Variants in ETFA observed in about 807,000 individuals in gnomAD.
The protein encoded by ETFA is electron transfer flavoprotein subunit alpha, mitochondrial.
A neutral mutation model predicts 46.2 loss-of-function variants in ETFA; 22 were observed. That is an observed-to-expected ratio of 0.48 (90% confidence interval 0.34 to 0.68). The LOEUF (loss-of-function observed/expected upper bound fraction) is 0.68. Among genes scored for constraint, ETFA ranks in the 30% least tolerant of loss-of-function variants. ETFA has a pLI of 0.01. For synonymous variants in ETFA, 131 were observed against 139.9 expected, an observed-to-expected ratio of 0.94 and a Z score of 0.45; for missense variants, 345 against 401.1, an observed-to-expected ratio of 0.86 and a Z score of 1.19.
rs768357479 is a variant in ETFA, at chr15:76,292,421, A to G, written c.351+10T>C. On this transcript the variant is annotated intron_variant, in intron 4 of 11. Transcript: ENST00000557943. ...AGTGATATCAGATTCCACATTCTCA[A>G]CCTTCTCACCTTTCCGAAGGCAGAT... The G allele has an allele frequency of 6.3e-7, 1 of 1,596,774 alleles. No individual in the cohort carries two copies. Among genetic ancestry groups the G allele is most frequent in the Non-Finnish European group, 8.6e-7 (1 of 1,164,160 alleles).
chr15:76,308,689 A>G (rs1014122446), intron 1 of ETFA, among the ~76,000 whole-genome samples: 1 of 152,236 alleles, frequency 6.6e-6, no homozygotes, highest in Non-Finnish European at 1.5e-5. Flanking sequence ...ATCTTAGACC[A>G]GAATAAGGAA....
chr15:76,259,142 T>C, intron 9 of ETFA: 1 of 1,500,642 alleles, frequency 6.7e-7, no homozygotes, highest in Admixed American at 1.7e-5. Flanking sequence ...TGCCACCCAC[T>C]GTCCCCATGC....
At chr15:76,224,836 G>GACCAGGCC in intron 11 of ETFA, among the ~76,000 whole-genome samples, 1 of 152,186 alleles carries the variant, frequency 6.6e-6, no homozygotes, top group Non-Finnish European at 1.5e-5. Context: ...AAAAAGAAGA[G>GACCAGGCC]ACCAGGCCAC....
intron 1 of ETFA, among the ~76,000 whole-genome samples, chr15:76,299,918 T>C (rs1164621500): frequency 1.3e-5 from 2 of 152,180 alleles, no homozygotes; most frequent in African/African-American, 2.4e-5. Flanking sequence ...TTAAACATGA[T>C]TGAGGCTCTC....
intron 9 of ETFA, among the ~76,000 whole-genome samples, chr15:76,248,994 C>T (rs554306294): frequency 3.3e-5 from 5 of 152,062 alleles, no homozygotes; most frequent in South Asian, 2.1e-4. Flanking sequence ...ATGGATATTC[C>T]GCATATGTAA....
At chr15:76,234,228 G>A (rs1349052806) in intron 9 of ETFA, among the ~76,000 whole-genome samples, 1 of 152,110 alleles carries the variant, frequency 6.6e-6, no homozygotes, top group Non-Finnish European at 1.5e-5. Context: ...CAAGTATAGG[G>A]ATTTTGGCGG....
At position 76,303,168 on chromosome 15, in the gene ETFA, C is replaced by T. The variant is rs113498551; in HGVS notation, c.40-7431G>A. Among the ~76,000 whole-genome samples the T allele has an allele frequency of 2.0e-3, 302 of 152,078 alleles. 3 individuals are homozygous for T. Among genetic ancestry groups the T allele is most frequent in the African/African-American group, 6.7e-3 (276 of 41,488 alleles). ...ACTAAAAATACAAAAATTAGCTGGG[C>T]GTGGTGGCAGGAGTCTGTAATCCCA... On this transcript the variant is annotated intron_variant, in intron 1 of 11. Coordinates refer to ENST00000557943, the MANE Select transcript of ETFA (RefSeq NM_000126.4).
Position 76,250,700 on chromosome 15 carries a change from A to AT in ETFA, c.817-19303dup, listed in dbSNP as rs982001871. On this transcript the variant is annotated intron_variant, in intron 9 of 11. Transcript: ENST00000557943. Reference sequence around the variant, plus strand: ...GCTACATGCCACCACACCCAACTAAATTTTTTTTTTTTTTAAAGTAGAAAG... The same window carrying AT: ...GCTACATGCCACCACACCCAACTAAATTTTTTTTTTTTTTTAAAGTAGAAAG... Among the ~76,000 whole-genome samples, 822 of 144,406 alleles carry AT rather than the reference A, an allele frequency of 5.7e-3. 3 individuals are homozygous for AT. The highest frequency in any genetic ancestry group is 0.018 in the African/African-American group (699 of 39,534). The allele number at this position is 144,406 out of a possible 152,430, so 94.7% of individuals were successfully genotyped here.
At chr15:76,298,044 G>T (rs1029200314) in intron 1 of ETFA, among the ~76,000 whole-genome samples, 1 of 145,544 alleles carries the variant, frequency 6.9e-6, no homozygotes, top group Admixed American at 7.1e-5. Flanking sequence ...TCAGATTAGA[G>T]ATTTTTTTTT....
chr15:76,256,262 GAAAAAAAAAAA>G (rs59670988), intron 9 of ETFA, among the ~76,000 whole-genome samples: 1 of 95,714 alleles, frequency 1.0e-5, no homozygotes, highest in African/African-American at 3.8e-5. Context: ...CCGTCTCAAG[GAAAAAAAAAAA>G]AAAAAAAAAA....
intron 1 of ETFA, among the ~76,000 whole-genome samples, chr15:76,301,633 C>G (rs1017059711): frequency 8.5e-5 from 13 of 152,114 alleles, no homozygotes. Context: ...TCACTTGAAC[C>G]CTGGAGGTGG....
At chr15:76,224,425 G>C (rs576012000) in intron 11 of ETFA, among the ~76,000 whole-genome samples, 1 of 152,216 alleles carries the variant, frequency 6.6e-6, no homozygotes, top group Non-Finnish European at 1.5e-5. Flanking sequence ...GCCCAACACT[G>C]AGCCAGAGCA....
chr15:76,222,092 A>C (rs927197153), intron 11 of ETFA, among the ~76,000 whole-genome samples: 2 of 151,854 alleles, frequency 1.3e-5, no homozygotes, highest in Admixed American at 6.6e-5. Flanking sequence ...TCTTTAGATC[A>C]TAAGCCAAAA....
intron 9 of ETFA, among the ~76,000 whole-genome samples, chr15:76,238,104 TTATGA>T (rs1310697987): frequency 6.6e-6 from 1 of 152,166 alleles, no homozygotes; most frequent in African/African-American, 2.4e-5. Context: ...TTATGTGAGT[TTATGA>T]TATAAAATCA....
intron 9 of ETFA, among the ~76,000 whole-genome samples, chr15:76,272,015 T>C (rs1318500383): frequency 6.6e-6 from 1 of 151,958 alleles, no homozygotes; most frequent in Non-Finnish European, 1.5e-5. Flanking sequence ...TTAATATATT[T>C]CCTTATGAAA....
At chr15:76,239,479 T>A (rs1004968746) in intron 9 of ETFA, among the ~76,000 whole-genome samples, 1 of 152,108 alleles carries the variant, frequency 6.6e-6, no homozygotes, top group Admixed American at 6.6e-5. Flanking sequence ...GTACAATAGA[T>A]CCCCAGAATT....
chr15:76,295,048 T>A lies in ETFA; in HGVS notation c.186+543A>T, dbSNP rs574194783. On this transcript the variant is annotated intron_variant, in intron 2 of 11. Transcript: ENST00000557943. Reference sequence around the variant, plus strand: ...GGTGGTATAGACCCTGCAAATCATATCATAGCACCTTTCTAGAGGGTTAGT... The same window carrying A: ...GGTGGTATAGACCCTGCAAATCATAACATAGCACCTTTCTAGAGGGTTAGT... Among the ~76,000 whole-genome samples, 4 of 152,284 alleles carry A rather than the reference T, an allele frequency of 2.6e-5. No homozygotes were observed. The South Asian group carries it at 6.2e-4, about 24-fold the overall frequency.
intron 9 of ETFA, among the ~76,000 whole-genome samples, chr15:76,242,040 T>C (rs1024075266): frequency 1.8e-4 from 28 of 151,944 alleles, no homozygotes; most frequent in African/African-American, 6.0e-4. Context: ...TTTCACCATG[T>C]TGGTGAGGAT....
Position 76,295,659 on chromosome 15 carries a change from T to C in ETFA, c.118A>G (p.Thr40Ala), listed in dbSNP as rs2039810581. Residue 40 changes from threonine to alanine, a missense_variant, in exon 2 of 12, where the codon ACC becomes GCC. Coordinates refer to ENST00000557943, the MANE Select transcript of ETFA (RefSeq NM_000126.4). ...NDSLAPITLN[T>A]ITAATRLGGE... is the part of the protein sequence containing the mutation. ...CCAAGGCGTGTGGCTGCAGTAATGG[T>C]ATTTAAAGTAATGGGTGCTAGGGAA... The C allele has an allele frequency of 6.2e-7, 1 of 1,613,316 alleles. No homozygotes were observed. The highest frequency in any genetic ancestry group is 1.3e-5 in the African/African-American group (1 of 74,844).
Sources: gnomAD v4.1 joint callset for allele counts (sites outside exome capture counted in the v4.1 genomes callset) on GRCh38, gnomAD v4.1.1 for gene constraint, MANE v1.5 for transcripts, NCBI Gene and HGNC (gene_info 2026-07-23, HGNC 2026-07-21) for gene names.